Variants in C18orf54 observed in about 807,000 individuals in gnomAD.
C18orf54 encodes chromosome 18 open reading frame 54.
In C18orf54, 49 loss-of-function variants were observed where a neutral mutation model predicts 49.3. That is an observed-to-expected ratio of 0.99 (90% CI 0.79 to 1.26). C18orf54 has a LOEUF of 1.26. Ranked by LOEUF, C18orf54 falls within the 50% of genes most tolerant of loss-of-function variation. The probability of loss-of-function intolerance (pLI) is 0.00; values close to 1 mark genes in which losing one functional copy is unlikely to be tolerated. For missense variants in C18orf54, 687 were observed against 620.6 expected (o/e 1.11, Z -1.14); for synonymous variants, 211 against 216.6 (o/e 0.97, Z 0.23).
chr18:54,377,127 C>T (rs2089588193), intron 8 of C18orf54, among the ~76,000 whole-genome samples: 1 of 152,070 alleles, frequency 6.6e-6, no homozygotes, highest in Non-Finnish European at 1.5e-5. Flanking sequence ...TCTCCACCTC[C>T]TGGCAAGCGA....
At position 54,378,295 on chromosome 18, in the gene C18orf54, T is replaced by C; in HGVS notation, c.*49T>C. The C allele has an allele frequency of 4.0e-6, 6 of 1,501,524 alleles. No homozygotes were observed. Among genetic ancestry groups the C allele is most frequent in the Non-Finnish European group, 3.7e-6 (4 of 1,083,536 alleles). The allele number at this position is 1,501,524 out of a possible 1,614,324, so 93.0% of individuals were successfully genotyped here. A position where few individuals can be genotyped will look rare whatever the true frequency, so the allele number is the denominator to read the frequency against. On this transcript the variant is annotated 3_prime_UTR_variant, in exon 9 of 9. Coordinates refer to ENST00000620105, the MANE Select transcript of C18orf54 (RefSeq NM_001288980.2). The stretch of plus-strand genomic sequence containing the variant: ...CAATGAATAGTCACCACAGAACAAA[T>C]AGGCATTTTTTCTATTACTTAAACT...
intron 7 of C18orf54, among the ~76,000 whole-genome samples, chr18:54,373,051 C>G (rs1345810733): frequency 6.6e-6 from 1 of 151,676 alleles, no homozygotes. Context: ...ACAGTTATAT[C>G]AAGTTTTATT....
intron 6 of C18orf54, among the ~76,000 whole-genome samples, 153 bp from the exon 7 acceptor site, chr18:54,372,313 G>A (rs764164918): frequency 1.3e-5 from 2 of 151,968 alleles, no homozygotes; most frequent in Non-Finnish European, 2.9e-5. Context: ...GGGAAGTGGT[G>A]AGTTACAATT....
intron 1 of C18orf54, chr18:54,358,518 A>G (rs1568178038): frequency 6.6e-6 from 1 of 152,330 alleles, no homozygotes; most frequent in East Asian, 1.9e-4. Context: ...TGGAACACCA[A>G]AGGGAGGGTG....
In C18orf54 at chr18:54,362,907, T is replaced by C; in HGVS notation, c.1209T>C (p.Asn403=). The part of the protein sequence containing the change: ...DKLEADRSWE[N]IPVTFKSPVP... ...TTGAAGCAGACAGATCATGGGAAAA[T>C]ATTCCTGTTACTTTGTAAGTAAGTG... is the stretch of plus-strand genomic sequence containing the variant. The change falls in exon 5 of 9, where the codon AAT becomes AAC. Residue 403 remains asparagine (N), a synonymous_variant. Transcript: ENST00000620105. The C allele has an allele frequency of 6.3e-7, 1 of 1,595,344 alleles. No individual in the cohort carries two copies. The highest frequency in any genetic ancestry group is 1.2e-5 in the South Asian group (1 of 86,232).
In C18orf54 at chr18:54,381,992, T is replaced by G. The variant is rs554297773; in HGVS notation, c.*3746T>G. Reference sequence around the variant, plus strand: ...GATATTCTAAACCTGGTTTCCTATATAAAGTTGTAAGTTCAAGATAAAGAG... The same window carrying G: ...GATATTCTAAACCTGGTTTCCTATAGAAAGTTGTAAGTTCAAGATAAAGAG... On this transcript the variant is annotated 3_prime_UTR_variant, in exon 9 of 9. Transcript: ENST00000620105. The G allele has an allele frequency of 1.3e-5, 2 of 152,238 alleles. No individual in the cohort carries two copies. Among genetic ancestry groups the G allele is most frequent in the Non-Finnish European group, 2.9e-5 (2 of 68,040 alleles). The allele number at this position is 152,238 out of a possible 1,614,324, so 9.4% of individuals were successfully genotyped here.
intron 3 of C18orf54, among the ~76,000 whole-genome samples, chr18:54,361,439 G>A (rs1410696961): frequency 2.0e-5 from 3 of 152,120 alleles, no homozygotes; most frequent in Admixed American, 2.0e-4. Context: ...GGAGAGAAAC[G>A]TAGAAATTAA....
Position 54,362,245 on chromosome 18 carries a change from G to A in C18orf54, c.886G>A (p.Ala296Thr). ...GTGTTCCCCTAGACATAGTCATCAG[G>A]CACAAGGAACTTCTCGGCTTATCAA... ...DQCSPRHSHQ[A>T]QGTSRLINKL... Residue 296 changes from alanine to threonine, a missense_variant, in exon 4 of 9, where the codon GCA (alanine) becomes ACA (threonine). Physicochemically the swap from Ala to Thr is moderately conservative, Grantham distance 58. Coordinates refer to ENST00000620105, the MANE Select transcript of C18orf54 (RefSeq NM_001288980.2). The A allele has an allele frequency of 6.5e-7, 1 of 1,536,448 alleles. No homozygotes were observed. The highest frequency in any genetic ancestry group is 2.0e-5 in the Admixed American group (1 of 51,006).
At chr18:54,369,982 G>A (rs2089457081) in intron 6 of C18orf54, among the ~76,000 whole-genome samples, 1 of 151,962 alleles carries the variant, frequency 6.6e-6, no homozygotes, top group Non-Finnish European at 1.5e-5. Flanking sequence ...TTGAAAATCT[G>A]GAGAAGAATA....
At position 54,360,913 on chromosome 18, in the gene C18orf54, G is replaced by T; in HGVS notation, c.283+58G>T. On this transcript the variant is annotated intron_variant, in intron 3 of 8. Transcript: ENST00000620105. The stretch of plus-strand genomic sequence containing the variant: ...AGATGTTTTGAAGCATTTGGGAGAT[G>T]TACTGTAGTATTGTAAAGTTTGACA... 15 of 1,474,654 alleles carry T rather than the reference G, an allele frequency of 1.0e-5. No homozygotes were observed. In the South Asian group the frequency reaches 1.8e-4, roughly 18 times the overall value. 91.3% of individuals were successfully genotyped at this position (1,474,654 alleles called of 1,614,324 possible). A position where few individuals can be genotyped will look rare whatever the true frequency, so the allele number is the denominator to read the frequency against.
chr18:54,362,463 A>C (rs776839387), intron 4 of C18orf54, 32 bp downstream of exon 4: 5 of 1,429,940 alleles, frequency 3.5e-6, no homozygotes, highest in Non-Finnish European at 4.6e-6. Context: ...ATAGTTATTT[A>C]TTTTTCTTTT....
At chr18:54,365,028 TCTA>T (rs1312608619) in intron 5 of C18orf54, among the ~76,000 whole-genome samples, 23 of 152,158 alleles carry the variant, frequency 1.5e-4, no homozygotes, top group African/African-American at 4.3e-4. Context: ...TACCCTTTCT[TCTA>T]CTACCCCGTG....
Position 54,381,594 on chromosome 18 carries a change from T to G in C18orf54, c.*3348T>G, listed in dbSNP as rs564430507. On this transcript the variant is annotated 3_prime_UTR_variant, in exon 9 of 9. Transcript: ENST00000620105. ...CCCAAACTTTATATGTGTATTGTCA[T>G]CTTTGTGCATATTATTTCTCATGCA... 10 of 152,370 alleles carry G rather than the reference T, an allele frequency of 6.6e-5. No homozygotes were observed. In the South Asian group the frequency reaches 2.1e-3, roughly 32 times the overall value. 9.4% of individuals were successfully genotyped at this position (152,370 alleles called of 1,614,324 possible).
Position 54,361,780 on chromosome 18 carries a change from T to C in C18orf54, c.421T>C (p.Tyr141His). ...LPADGSFSYT[Y>H]VGPSHRTSKK... is the part of the protein sequence containing the mutation. ...AGCAGATGGATCATTTTCTTATACT[T>C]ATGTTGGACCGAGTCACCGAACGAG... Residue 141 changes from tyrosine to histidine, a missense_variant, in exon 4 of 9, where the codon TAT becomes CAT. Physicochemically the swap from Tyr to His is moderately conservative, Grantham distance 83. Transcript: ENST00000620105. 1 of 1,614,056 alleles carries C rather than the reference T, an allele frequency of 6.2e-7. No homozygotes were observed. Among genetic ancestry groups the C allele is most frequent in the Non-Finnish European group, 8.5e-7 (1 of 1,179,986 alleles).
At chr18:54,377,330 G>A (rs1568192913) in intron 8 of C18orf54, among the ~76,000 whole-genome samples, 1 of 152,170 alleles carries the variant, frequency 6.6e-6, no homozygotes, top group Non-Finnish European at 1.5e-5. Context: ...ATGGATTACA[G>A]GCGTGAGCCA....
intron 8 of C18orf54, among the ~76,000 whole-genome samples, chr18:54,376,748 G>A (rs1241843838): frequency 1.3e-5 from 2 of 152,218 alleles, no homozygotes; most frequent in Non-Finnish European, 2.9e-5. Flanking sequence ...TGCCAAAAAA[G>A]GTGAGAGAAT....
In C18orf54 at chr18:54,361,947, T is replaced by C. The variant is rs1332449549; in HGVS notation, c.588T>C (p.Cys196=). The part of the protein sequence containing the change: ...VIRSNINGKQ[C]GRLKNPKLMN... ...GCTCAAATATAAATGGAAAGCAATG[T>C]GGTAGGCTGAAAAACCCAAAACTTA... The change falls in exon 4 of 9, where the codon TGT becomes TGC. Residue 196 remains cysteine (C), a synonymous_variant. Coordinates refer to ENST00000620105, the MANE Select transcript of C18orf54 (RefSeq NM_001288980.2). The C allele has an allele frequency of 6.2e-7, 1 of 1,614,134 alleles. No homozygotes were observed. The highest frequency in any genetic ancestry group is 1.1e-5 in the South Asian group (1 of 91,076).
rs1480048348 is a variant in C18orf54 at position 54,360,607 on chromosome 18, C to G, written c.35C>G (p.Ser12Cys). 1 of 1,614,038 alleles carries G rather than the reference C, an allele frequency of 6.2e-7. No individual in the cohort carries two copies. Among genetic ancestry groups the G allele is most frequent in the Non-Finnish European group, 8.5e-7 (1 of 1,179,936 alleles). Residue 12 changes from serine (S) to cysteine (C), a missense_variant, in exon 3 of 9, where the codon TCT (serine) becomes TGT (cysteine). By Grantham distance (112) the Ser-to-Cys change is moderately radical (BLOSUM62 -1). Transcript: ENST00000620105. ...TCAAAGACAAAACATAGACTTTGTT[C>G]TCAGGAATCTTCAGTATCTGCCCTG... is the stretch of plus-strand genomic sequence containing the variant. Reference protein sequence around the residue: ...AKSKTKHRLCSQESSVSALLA... With the variant: ...AKSKTKHRLCCQESSVSALLA...
chr18:54,377,417 A>G (rs2089594521), intron 8 of C18orf54, among the ~76,000 whole-genome samples: 1 of 152,182 alleles, frequency 6.6e-6, no homozygotes, highest in Non-Finnish European at 1.5e-5. Context: ...CTTATTTATT[A>G]AAGATCTGAA....
Sources: allele counts gnomAD v4.1 joint callset (sites outside exome capture counted in the v4.1 genomes callset), GRCh38; gene constraint gnomAD v4.1.1; transcripts MANE v1.5; gene names NCBI Gene and HGNC (gene_info 2026-07-23, HGNC 2026-07-21).